Variants in FBXW7 observed in about 807,000 individuals in gnomAD.
FBXW7 encodes F-box and WD repeat domain containing 7, also known as F-box/WD repeat-containing protein 7.
A neutral mutation model predicts 86.3 loss-of-function variants in FBXW7; 11 were observed. The observed-to-expected ratio is 0.13, with a 90% CI of 0.08 to 0.21. The LOEUF is 0.21. FBXW7 is among the 10% of genes least tolerant of loss of function. The pLI is 1.00. For synonymous variants in FBXW7, 313 were observed against 297.9 expected, an observed-to-expected ratio of 1.05 and a Z score of -0.52; for missense variants, 488 against 847.4, an observed-to-expected ratio of 0.58 and a Z score of 5.27.
intron 2 of FBXW7, among the ~76,000 whole-genome samples, chr4:152,450,540 G>A (rs1245263773): frequency 6.6e-6 from 1 of 152,154 alleles, no homozygotes; most frequent in Non-Finnish European, 1.5e-5. Context: ...ATGTCCTAGT[G>A]CTGCTATGTA....
At chr4:152,366,645 C>T (rs927629680) in intron 4 of FBXW7, among the ~76,000 whole-genome samples, 8 of 151,988 alleles carry the variant, frequency 5.3e-5, no homozygotes, top group African/African-American at 7.2e-5. Context: ...GTGCTGGAGA[C>T]GATGTGGAGA....
chr4:152,326,506 G>A (rs969985349), intron 11 of FBXW7, among the ~76,000 whole-genome samples: 2 of 151,962 alleles, frequency 1.3e-5, no homozygotes, highest in African/African-American at 2.4e-5. Flanking sequence ...CTGTGGGACT[G>A]AGTTTGAAAA....
At chr4:152,412,805 G>C (rs1332840966) in intron 2 of FBXW7, among the ~76,000 whole-genome samples, 1 of 152,004 alleles carries the variant, frequency 6.6e-6, no homozygotes. Context: ...ATGAAGACTA[G>C]AAGACAACAT....
chr4:152,534,353 A>C (rs1180855968), intron 2 of FBXW7, among the ~76,000 whole-genome samples: 1 of 152,192 alleles, frequency 6.6e-6, no homozygotes, highest in Admixed American at 6.5e-5. Context: ...GTGATTCCTA[A>C]CAACTCAAGT....
At chr4:152,507,144 G>A (rs1242729408) in intron 2 of FBXW7, among the ~76,000 whole-genome samples, 5 of 152,084 alleles carry the variant, frequency 3.3e-5, no homozygotes, top group Non-Finnish European at 5.9e-5. Flanking sequence ...AGAAAAGACC[G>A]AAATATTTAT....
intron 2 of FBXW7, among the ~76,000 whole-genome samples, chr4:152,434,343 G>C (rs1740185664): frequency 1.3e-5 from 2 of 152,190 alleles, no homozygotes; most frequent in African/African-American, 4.8e-5. Context: ...ACATCAAAAA[G>C]AAGTAATAAA....
intron 2 of FBXW7, among the ~76,000 whole-genome samples, chr4:152,452,929 T>C (rs1579241032): frequency 1.3e-5 from 2 of 152,196 alleles, no homozygotes; most frequent in African/African-American, 4.8e-5. Context: ...ACGCCTGTAA[T>C]CCCACCACTC....
chr4:152,477,531 G>A (rs1744524175), intron 2 of FBXW7, among the ~76,000 whole-genome samples: 1 of 151,908 alleles, frequency 6.6e-6, no homozygotes, highest in Non-Finnish European at 1.5e-5. Context: ...ATTAAATTTG[G>A]GGGAAAAAAT....
At chr4:152,350,738 C>T (rs1023471698) in intron 4 of FBXW7, among the ~76,000 whole-genome samples, 1 of 151,614 alleles carries the variant, frequency 6.6e-6, no homozygotes, top group African/African-American at 2.4e-5. Context: ...TATAATAACG[C>T]TGAGGGGAAA....
At chr4:152,341,238 C>G (rs2126606718) in intron 6 of FBXW7, among the ~76,000 whole-genome samples, 1 of 152,338 alleles carries the variant, frequency 6.6e-6, no homozygotes, top group South Asian at 2.1e-4. Context: ...TGGCCTACAA[C>G]ACACTACTTT....
At chr4:152,495,122 A>G (rs1182446923) in intron 2 of FBXW7, among the ~76,000 whole-genome samples, 3 of 152,204 alleles carry the variant, frequency 2.0e-5, no homozygotes, top group African/African-American at 7.2e-5. Context: ...AATTTCATGC[A>G]GAAAGGATAT....
chr4:152,368,349 A>G (rs372371794), intron 4 of FBXW7, among the ~76,000 whole-genome samples: 1 of 152,062 alleles, frequency 6.6e-6, no homozygotes, highest in East Asian at 1.9e-4. Flanking sequence ...GCTATTAAAT[A>G]GAGGTAGGGG....
intron 4 of FBXW7, among the ~76,000 whole-genome samples, chr4:152,359,561 C>T (rs1732726432): frequency 6.6e-6 from 1 of 152,034 alleles, no homozygotes; most frequent in Admixed American, 6.6e-5. Context: ...TCTACTCCAG[C>T]CTGGGTGATA....
At chr4:152,491,660 G>C (rs1745873533) in intron 2 of FBXW7, among the ~76,000 whole-genome samples, 1 of 152,064 alleles carries the variant, frequency 6.6e-6, no homozygotes, top group African/African-American at 2.4e-5. Flanking sequence ...TCTTTATTAA[G>C]CTGGCAGTCA....
chr4:152,332,768 T>G, intron 7 of FBXW7, 49 bp from the exon 8 acceptor site: 4 of 852,696 alleles, frequency 4.7e-6, no homozygotes, highest in Non-Finnish European at 6.1e-6. Flanking sequence ...TAAATATATA[T>G]ATTATATAAT....
At chr4:152,359,158 C>A (rs1732682355) in intron 4 of FBXW7, among the ~76,000 whole-genome samples, 2 of 152,004 alleles carry the variant, frequency 1.3e-5, no homozygotes, top group Non-Finnish European at 2.9e-5. Flanking sequence ...GGAAAGGTGA[C>A]AGAAACTGAG....
chr4:152,419,169 G>A (rs1327883434), intron 2 of FBXW7, among the ~76,000 whole-genome samples: 1 of 151,736 alleles, frequency 6.6e-6, no homozygotes, highest in Non-Finnish European at 1.5e-5. Flanking sequence ...TTTTCATTTC[G>A]TAAACATCAT....
chr4:152,492,022 C>T (rs1203172329), intron 2 of FBXW7, among the ~76,000 whole-genome samples: 1 of 152,184 alleles, frequency 6.6e-6, no homozygotes, highest in African/African-American at 2.4e-5. Flanking sequence ...AAGAAGGCCC[C>T]TTATGCACCC....
chr4:152,458,330 T>G (rs1341088164), intron 2 of FBXW7, among the ~76,000 whole-genome samples: 1 of 152,188 alleles, frequency 6.6e-6, no homozygotes, highest in African/African-American at 2.4e-5. Flanking sequence ...AAAATATACT[T>G]TCTAAACAGG....
Sources: gnomAD v4.1 joint callset for allele counts (sites outside exome capture counted in the v4.1 genomes callset) on GRCh38, gnomAD v4.1.1 for gene constraint, MANE v1.5 for transcripts, NCBI Gene and HGNC (gene_info 2026-07-23, HGNC 2026-07-21) for gene names.